UST: variants seen among roughly 807,000 people sequenced by gnomAD.
UST encodes the protein uronyl 2-sulfotransferase.
UST carries 21 observed loss-of-function variants against 45.6 expected under a neutral mutation model. The observed-to-expected ratio is 0.46, with a 90% CI of 0.33 to 0.66. The LOEUF (loss-of-function observed/expected upper bound fraction) is 0.66. Ranked by LOEUF, UST falls within the 30% of genes least tolerant of loss-of-function variation. The probability of loss-of-function intolerance (pLI) is 0.02; values close to 1 mark genes in which losing one functional copy is unlikely to be tolerated. For missense variants in UST, 463 were observed against 512.4 expected (o/e 0.90, Z 0.93); for synonymous variants, 215 against 200.6 (o/e 1.07, Z -0.61).
At chr6:148,922,554 T>C (rs1209812089) in intron 2 of UST, among the ~76,000 whole-genome samples, 1 of 149,494 alleles carries the variant, frequency 6.7e-6, no homozygotes, top group Non-Finnish European at 1.5e-5. Context: ...AGTGGCACGA[T>C]CTCAGCTCAC....
intron 2 of UST, among the ~76,000 whole-genome samples, chr6:148,912,060 G>A (rs1419989463): frequency 6.6e-6 from 1 of 152,204 alleles, no homozygotes; most frequent in African/African-American, 2.4e-5. Context: ...AGCTGGGCAT[G>A]GTGGTGAGCA....
chr6:148,967,147 T>C (rs1035256924), intron 5 of UST, among the ~76,000 whole-genome samples: 2 of 152,172 alleles, frequency 1.3e-5, no homozygotes, highest in African/African-American at 4.8e-5. Context: ...ACTTGAGAGA[T>C]TGTAGAGAGA....
At chr6:148,936,841 A>G (rs1582908726) in intron 2 of UST, among the ~76,000 whole-genome samples, 1 of 151,932 alleles carries the variant, frequency 6.6e-6, no homozygotes, top group Non-Finnish European at 1.5e-5. Context: ...GACTACAGGC[A>G]CCTGCCACCA....
intron 7 of UST, among the ~76,000 whole-genome samples, chr6:149,032,276 A>G (rs1001373836): frequency 1.3e-5 from 2 of 151,898 alleles, no homozygotes; most frequent in African/African-American, 4.8e-5. Context: ...GCTTCCTAAC[A>G]GTGTGGCAGG....
At chr6:148,755,138 G>T (rs910755732) in intron 1 of UST, among the ~76,000 whole-genome samples, 13 of 152,180 alleles carry the variant, frequency 8.5e-5, no homozygotes, top group African/African-American at 3.1e-4. Flanking sequence ...GATGAGCTCA[G>T]CAGGAGAAAA....
rs544739716 is a variant in UST at position 148,791,232 on chromosome 6, G to T, written c.247+43555G>T. Among the ~76,000 whole-genome samples the T allele has an allele frequency of 6.6e-4, 101 of 152,186 alleles. 1 individual carries two copies. In the South Asian group the frequency reaches 9.0e-3, roughly 14 times the overall value. The stretch of plus-strand genomic sequence containing the variant: ...TCCTGCAATGCACAGGACAGTTCCC[G>T]CAGGAACAATTATCTGGCCCCAAAT... On this transcript the variant is annotated intron_variant, in intron 1 of 7. Coordinates refer to ENST00000367463, the MANE Select transcript of UST (RefSeq NM_005715.3).
In UST at chr6:149,032,999, A is replaced by C. The variant is rs544623030; in HGVS notation, c.937+11518A>C. On this transcript the variant is annotated intron_variant, in intron 7 of 7. Transcript: ENST00000367463. ...TTTGTAGGGGGTGGAATTAGTCACC[A>C]CAAATTTCAATTTTTGGACTTTCCT... Among the ~76,000 whole-genome samples the C allele has an allele frequency of 9.8e-4, 149 of 152,348 alleles. 2 individuals carry two copies. Among genetic ancestry groups the C allele is most frequent in the African/African-American group, 3.4e-3 (140 of 41,582 alleles).
intron 2 of UST, among the ~76,000 whole-genome samples, chr6:148,935,909 G>A (rs1341681403): frequency 6.6e-6 from 1 of 152,172 alleles, no homozygotes; most frequent in African/African-American, 2.4e-5. Flanking sequence ...CTTGAGTCAT[G>A]GCTGAGTAAT....
At chr6:149,026,640 G>A (rs987675560) in intron 7 of UST, among the ~76,000 whole-genome samples, 2 of 152,118 alleles carry the variant, frequency 1.3e-5, no homozygotes, top group Admixed American at 1.3e-4. Context: ...ATAAACCCTT[G>A]ACTTGGCAAA....
At chr6:148,768,843 G>A (rs572897827) in intron 1 of UST, among the ~76,000 whole-genome samples, 26 of 152,162 alleles carry the variant, frequency 1.7e-4, no homozygotes, top group Admixed American at 1.5e-3. Context: ...CCCTCTTCGC[G>A]ATACTAGAAC....
chr6:149,043,825 C>T (rs1202073994), intron 7 of UST, among the ~76,000 whole-genome samples: 1 of 152,212 alleles, frequency 6.6e-6, no homozygotes, highest in Non-Finnish European at 1.5e-5. Context: ...TATTGTTTGC[C>T]TAAGTATAAT....
chr6:148,889,229 A>G (rs891123635), intron 2 of UST, among the ~76,000 whole-genome samples: 2 of 152,236 alleles, frequency 1.3e-5, no homozygotes, highest in Non-Finnish European at 2.9e-5. Flanking sequence ...TGGAGTTCAC[A>G]TTGGAGAGCC....
At chr6:148,815,506 G>A (rs916474694) in intron 1 of UST, among the ~76,000 whole-genome samples, 1 of 152,092 alleles carries the variant, frequency 6.6e-6, no homozygotes, top group Non-Finnish European at 1.5e-5. Flanking sequence ...TTAACCATAC[G>A]GTCCCAGTGT....
rs754583097 is a variant in UST at position 148,747,666 on chromosome 6, G to C, written c.236G>C (p.Arg79Pro). The C allele has an allele frequency of 5.6e-6, 9 of 1,600,770 alleles. No homozygotes were observed. In the Admixed American group the frequency reaches 6.8e-5, roughly 12 times the overall value. ...CCCCCTCGCTTCCTGCTCGACCTGC[G>C]GCAGTACTTGGGTAAGGAAGCTGGG... ...GGPPRFLLDL[R>P]QYLGNSTYLD... Residue 79 changes from arginine (R) to proline (P), a missense_variant, in exon 1 of 8, where the codon CGG (arginine) becomes CCG (proline). Arg to Pro is a moderately radical substitution (Grantham distance 103, BLOSUM62 -2). Transcript: ENST00000367463.
chr6:149,061,654 C>T (rs540333939), intron 7 of UST, among the ~76,000 whole-genome samples: 4 of 152,346 alleles, frequency 2.6e-5, no homozygotes, highest in African/African-American at 9.6e-5. Context: ...TGCCTGGTGC[C>T]GGGCAGAGAT....
At chr6:148,866,529 T>C (rs1257101514) in intron 1 of UST, among the ~76,000 whole-genome samples, 2 of 152,198 alleles carry the variant, frequency 1.3e-5, no homozygotes. Context: ...CACTACCTAG[T>C]GAGTTGCCTA....
At chr6:148,950,363 G>C (rs1157619833) in intron 3 of UST, among the ~76,000 whole-genome samples, 1 of 152,170 alleles carries the variant, frequency 6.6e-6, no homozygotes, top group East Asian at 1.9e-4. Context: ...AGTCTTCCTG[G>C]CTGTGCTTCT....
At chr6:149,067,404 T>A (rs1449965971) in intron 7 of UST, among the ~76,000 whole-genome samples, 2 of 152,194 alleles carry the variant, frequency 1.3e-5, no homozygotes, top group African/African-American at 4.8e-5. Flanking sequence ...CATACCAAGT[T>A]GCCATATTTG....
chr6:148,962,747 C>A (rs1013034123), intron 4 of UST, among the ~76,000 whole-genome samples: 1 of 152,212 alleles, frequency 6.6e-6, no homozygotes, highest in African/African-American at 2.4e-5. Context: ...TCCAGGGTGT[C>A]ATTCATATGT....
Sources: allele counts gnomAD v4.1 joint callset (sites outside exome capture counted in the v4.1 genomes callset), GRCh38; gene constraint gnomAD v4.1.1; transcripts MANE v1.5; gene names NCBI Gene and HGNC (gene_info 2026-07-23, HGNC 2026-07-21).